The following SMYD1 variants were observed in gnomAD, a reference collection of about 807,000 sequenced individuals.
The protein encoded by SMYD1 is SET and MYND domain containing 1.
SMYD1 carries 49 observed loss-of-function variants against 54.0 expected under a neutral mutation model. The ratio of observed to expected loss-of-function variants is 0.91; its 90% confidence interval spans 0.72 to 1.15. SMYD1 has a LOEUF of 1.15. Among genes scored for constraint, SMYD1 ranks in the 50% most tolerant of loss-of-function variants. The pLI is 0.00. For missense variants in SMYD1, 653 were observed against 639.6 expected (o/e 1.02, Z -0.23); for synonymous variants, 269 against 234.2 (o/e 1.15, Z -1.36).
chr2:88,112,428 C>T lies in SMYD1; in HGVS notation c.*1916C>T, dbSNP rs191944704. 6 of 426,076 alleles carry T rather than the reference C, an allele frequency of 1.4e-5. No individual in the cohort carries two copies. Among genetic ancestry groups the T allele is most frequent in the Non-Finnish European group, 2.6e-5 (6 of 234,938 alleles). The allele number at this position is 426,076 out of a possible 1,614,324, so 26.4% of individuals were successfully genotyped here. On this transcript the variant is annotated 3_prime_UTR_variant, in exon 10 of 10. Coordinates refer to ENST00000419482, the MANE Select transcript of SMYD1 (RefSeq NM_198274.4). ...TTCCCTTTGGAATGTACTCTGGATC[C>T]CTTCCCCTGCTTTGACCCCCAGACT...
chr2:88,108,953 C>T (rs534683195), intron 9 of SMYD1, among the ~76,000 whole-genome samples: 9 of 152,206 alleles, frequency 5.9e-5, no homozygotes, highest in Middle Eastern at 3.4e-3. Flanking sequence ...GAACTCAGAG[C>T]GACAACTCAC....
Position 88,067,934 on chromosome 2 carries a change from A to T in SMYD1, c.70A>T (p.Thr24Ser), listed in dbSNP as rs753894631. 6.2e-7 allele frequency: 1 copy of T among 1,614,046 alleles called. No homozygotes were observed. The highest frequency in any genetic ancestry group is 1.1e-5 in the South Asian group (1 of 91,064). The part of the protein sequence containing the change: ...AEGKGRGLKA[T>S]KEFWAADIIF... ...GGGCAAAGGAAGGGGTCTGAAGGCC[A>T]CCAAGGAGTTCTGGGCTGCAGATAT... Residue 24 changes from threonine to serine, a missense_variant, in exon 1 of 10, where the codon ACC becomes TCC. Thr to Ser is a moderately conservative substitution (Grantham distance 58). Transcript: ENST00000419482.
intron 1 of SMYD1, among the ~76,000 whole-genome samples, chr2:88,079,636 A>G (rs924378399): frequency 7.2e-5 from 11 of 152,204 alleles, no homozygotes; most frequent in Admixed American, 4.6e-4. Context: ...CCTGACCAAC[A>G]TGGTGAAAAC....
chr2:88,107,746 C>T (rs184698529), intron 8 of SMYD1, among the ~76,000 whole-genome samples: 18 of 152,318 alleles, frequency 1.2e-4, no homozygotes, highest in African/African-American at 1.7e-4. Context: ...CCGAGCGAGG[C>T]GTGGGATATA....
intron 6 of SMYD1, among the ~76,000 whole-genome samples, chr2:88,101,593 T>C (rs1482640081): frequency 2.6e-5 from 4 of 152,182 alleles, no homozygotes; most frequent in Non-Finnish European, 5.9e-5. Flanking sequence ...TTAATTTAAT[T>C]TAATCTAATA....
chr2:88,099,734 G>A (rs955788658), intron 6 of SMYD1, among the ~76,000 whole-genome samples: 1 of 150,688 alleles, frequency 6.6e-6, no homozygotes, highest in African/African-American at 2.4e-5. Context: ...AAAAAAAAAA[G>A]AAGAAGAAAA....
chr2:88,096,542 C>A, intron 5 of SMYD1, 53 bp from the exon 6 acceptor site: 1 of 1,487,120 alleles, frequency 6.7e-7, no homozygotes, highest in Non-Finnish European at 9.2e-7. Context: ...GAGCACGGAT[C>A]CCATTCCAGT....
At chr2:88,110,062 T>C (rs1192455897) in intron 9 of SMYD1, among the ~76,000 whole-genome samples, 2 of 152,152 alleles carry the variant, frequency 1.3e-5, no homozygotes, top group Admixed American at 6.5e-5. Flanking sequence ...AGGGTTCAAA[T>C]CCAGGTCCCC....
chr2:88,087,846 G>T lies in SMYD1; in HGVS notation c.315-16G>T. The T allele has an allele frequency of 6.5e-7, 1 of 1,547,336 alleles. No homozygotes were observed. Among genetic ancestry groups the T allele is most frequent in the African/African-American group, 1.4e-5 (1 of 73,686 alleles). On this transcript the variant is annotated splice_polypyrimidine_tract_variant and intron_variant, in intron 2 of 9. Transcript: ENST00000419482. ...AATGCAGCTGTAGTGGCCTCCTGAC[G>T]CTGCCCTTCCCACAGGCTGGCGGCG...
rs201974675 is a variant in SMYD1, at chr2:88,068,611, GT to G, written c.137+626del. ...AAGATGGATGGCTGTAGTCTGTCTG[GT>G]TTTTTTTTTTTTTTTACAGAAATGG... On this transcript the variant is annotated intron_variant, in intron 1 of 9. Coordinates refer to ENST00000419482, the MANE Select transcript of SMYD1 (RefSeq NM_198274.4). Among the ~76,000 whole-genome samples the G allele has an allele frequency of 3.5e-3, 478 of 136,558 alleles. 2 individuals carry two copies. Among genetic ancestry groups the G allele is most frequent in the South Asian group, 0.02 (85 of 4,250 alleles). 89.6% of individuals were successfully genotyped at this position (136,558 alleles called of 152,430 possible). A position where few individuals can be genotyped will look rare whatever the true frequency, so the allele number is the denominator to read the frequency against.
chr2:88,072,370 C>G (rs1673967792), intron 1 of SMYD1, among the ~76,000 whole-genome samples: 1 of 152,272 alleles, frequency 6.6e-6, no homozygotes, highest in South Asian at 2.1e-4. Flanking sequence ...AGGCTGGTCT[C>G]GAACTCCCGG....
At chr2:88,106,573 C>A in intron 8 of SMYD1, 85 bp downstream of exon 8, 1 of 1,434,122 alleles carries the variant, frequency 7.0e-7, no homozygotes, top group Non-Finnish European at 9.6e-7. Flanking sequence ...TTTACTGGTG[C>A]CTCTCCCTCC....
At chr2:88,087,306 G>T (rs1674351710) in intron 2 of SMYD1, among the ~76,000 whole-genome samples, 1 of 151,984 alleles carries the variant, frequency 6.6e-6, no homozygotes, top group African/African-American at 2.4e-5. Flanking sequence ...ATCCCAGTAG[G>T]CCACACTGTT....
In SMYD1 at chr2:88,098,976, C is replaced by A. The variant is rs534624413; in HGVS notation, c.888+2192C>A. On this transcript the variant is annotated intron_variant, in intron 6 of 9. Coordinates refer to ENST00000419482, the MANE Select transcript of SMYD1 (RefSeq NM_198274.4). ...AAATAAAAACCAAATATTTTTAAAA[C>A]GGGAAAATAATAGCAAAACTTATGA... is the stretch of plus-strand genomic sequence containing the variant. Among the ~76,000 whole-genome samples the A allele has an allele frequency of 3.3e-5, 5 of 152,104 alleles. No homozygotes were observed. In the South Asian group the frequency reaches 1.0e-3, roughly 31 times the overall value.
intron 1 of SMYD1, among the ~76,000 whole-genome samples, chr2:88,079,550 A>G (rs1445157687): frequency 1.3e-5 from 2 of 152,124 alleles, no homozygotes; most frequent in African/African-American, 4.8e-5. Context: ...GTCTTTGCAC[A>G]GAATTTAAAA....
At position 88,106,428 on chromosome 2, in the gene SMYD1, C is replaced by T. The variant is rs866274358; in HGVS notation, c.1085C>T (p.Ser362Phe). 6.2e-7 allele frequency: 1 copy of T among 1,614,170 alleles called. No homozygotes were observed. The highest frequency in any genetic ancestry group is 1.1e-5 in the South Asian group (1 of 91,078). ...CTGAGCATTGTTTCGGAGGTCCTTT[C>T]CTACCTCCAGGCCTTTGAGGAGGCC... ...RMLSIVSEVL[S>F]YLQAFEEASF... The change falls in exon 8 of 10, where the codon TCC becomes TTC. Residue 362 changes from serine (S) to phenylalanine (F), a missense_variant. Coordinates refer to ENST00000419482, the MANE Select transcript of SMYD1 (RefSeq NM_198274.4).
chr2:88,079,919 C>T (rs992498073), intron 1 of SMYD1, among the ~76,000 whole-genome samples: 2 of 152,240 alleles, frequency 1.3e-5, no homozygotes, highest in Admixed American at 6.5e-5. Flanking sequence ...CTTCTCCTCA[C>T]CCCAAAATCC....
chr2:88,093,221 C>T (rs1038660326), intron 4 of SMYD1, among the ~76,000 whole-genome samples: 1 of 152,184 alleles, frequency 6.6e-6, no homozygotes, highest in African/African-American at 2.4e-5. Flanking sequence ...TTTTAACTGT[C>T]TCATGACAGT....
At position 88,087,786 on chromosome 2, in the gene SMYD1, C is replaced by G. The variant is rs2103992853; in HGVS notation, c.315-76C>G. 2.3e-6 allele frequency: 3 copies of G among 1,297,362 alleles called. No individual in the cohort carries two copies. In the South Asian group the frequency reaches 4.7e-5, roughly 20 times the overall value. 80.4% of individuals were successfully genotyped at this position (1,297,362 alleles called of 1,614,324 possible). ...TGGGCCCAACATTGTGCCTGGCATG[C>G]ATGAGACACCCAGTAAATGTGTGTT... is the stretch of plus-strand genomic sequence containing the variant. On this transcript the variant is annotated intron_variant, in intron 2 of 9. Transcript: ENST00000419482.
Sources: gnomAD v4.1 joint callset for allele counts (sites outside exome capture counted in the v4.1 genomes callset) on GRCh38, gnomAD v4.1.1 for gene constraint, MANE v1.5 for transcripts, NCBI Gene and HGNC (gene_info 2026-07-23, HGNC 2026-07-21) for gene names.